Variants in PRUNE2 observed in about 807,000 individuals in gnomAD.
PRUNE2 encodes the protein protein prune homolog 2.
Under a neutral mutation model 252.0 loss-of-function variants are expected in PRUNE2, and 164 were observed. The observed-to-expected ratio is 0.65, with a 90% CI of 0.57 to 0.74. The LOEUF is 0.74. PRUNE2 is among the 30% of genes least tolerant of loss of function. The pLI is 0.00. For missense variants in PRUNE2, 3,495 were observed against 3,711.0 expected (o/e 0.94, Z 1.51); for synonymous variants, 1,292 against 1,350.2 (o/e 0.96, Z 0.94).
At chr9:76,895,996 T>C (rs190165850) in intron 1 of PRUNE2, among the ~76,000 whole-genome samples, 209 of 152,224 alleles carry the variant, frequency 1.4e-3, no homozygotes, top group Non-Finnish European at 2.2e-3. Context: ...AGGCTGGTCT[T>C]GAATTCCTGG....
Position 76,713,581 on chromosome 9 carries a change from G to A in PRUNE2, c.897C>T (p.Asn299=). 1.2e-6 allele frequency: 2 copies of A among 1,610,650 alleles called. No individual in the cohort carries two copies. Among genetic ancestry groups the A allele is most frequent in the South Asian group, 1.1e-5 (1 of 90,060 alleles). The change falls in exon 7 of 19, where the codon AAC becomes AAT. Residue 299 remains asparagine, a synonymous_variant. Transcript: ENST00000376718. ...PRRQIAVYSE[N]MELCSQICCE... ...GGCTCACCTGACTGCACAGCTCCAT[G>A]TTTTCTGAGTACACAGCAATCTGTC...
chr9:76,615,769 G>GTTTTTTTTTTTTTTTTTTTTTTTTTGTTT (rs58726178), intron 18 of PRUNE2, among the ~76,000 whole-genome samples: 1 of 93,966 alleles, frequency 1.1e-5, no homozygotes, highest in Non-Finnish European at 1.9e-5. Context: ...TGTGTGTGTG[G>GTTTTTTTTTTTTTTTTTTTTTTTTTGTTT]TTTTTTTTTT....
rs188280172 is a variant in PRUNE2 at position 76,824,217 on chromosome 9, G to A, written c.662-491C>T. On this transcript the variant is annotated intron_variant, in intron 5 of 18. Coordinates refer to ENST00000376718, the MANE Select transcript of PRUNE2 (RefSeq NM_015225.3). Reference sequence around the variant, plus strand: ...ACCCAACCAGAAGCCAGTGTTGTGGGAGCCCATAAGATTAAATACTTAGGG... The same window carrying A: ...ACCCAACCAGAAGCCAGTGTTGTGGAAGCCCATAAGATTAAATACTTAGGG... 3.4e-3 allele frequency among the ~76,000 whole-genome samples: 510 copies of A among 152,044 alleles called. 2 individuals carry two copies. Among genetic ancestry groups the A allele is most frequent in the African/African-American group, 0.012 (497 of 41,444 alleles).
chr9:76,767,689 C>T (rs1229872261), intron 6 of PRUNE2, among the ~76,000 whole-genome samples: 1 of 152,160 alleles, frequency 6.6e-6, no homozygotes, highest in Non-Finnish European at 1.5e-5. Context: ...TCTCTTGACC[C>T]TATTTTGTTT....
In PRUNE2 at chr9:76,833,597, C is replaced by G. The variant is rs1423847972; in HGVS notation, c.509-6865G>C. 5.3e-5 allele frequency among the ~76,000 whole-genome samples: 8 copies of G among 151,890 alleles called. No individual in the cohort carries two copies. In the East Asian group the frequency reaches 1.4e-3, roughly 26 times the overall value. On this transcript the variant is annotated intron_variant, in intron 4 of 18. Transcript: ENST00000376718. ...TGGCTAACACGGTGAAACCCCGTCT[C>G]TACTTAAAATACAAAAAGTTAGCCG...
In PRUNE2 at chr9:76,705,035, T is replaced by C. The variant is rs1393216573; in HGVS notation, c.7239A>G (p.Glu2413=). The C allele has an allele frequency of 2.5e-6, 4 of 1,614,034 alleles. No homozygotes were observed. The South Asian group carries it at 4.4e-5, about 18-fold the overall frequency. ...GAGATTCATCCTCTGGAGACCCAGC[T>C]TCCTCTATTGTTTCAGCACTCTGGG... ...EPAQSAETIE[E]AGSPEDESLG... is the part of the protein sequence containing the mutation. Residue 2413 remains glutamate (E), a synonymous_variant, in exon 8 of 19, where the codon GAA becomes GAG. Transcript: ENST00000376718.
intron 6 of PRUNE2, among the ~76,000 whole-genome samples, chr9:76,743,603 C>T (rs1483891619): frequency 1.3e-5 from 2 of 152,020 alleles, no homozygotes; most frequent in Non-Finnish European, 2.9e-5. Flanking sequence ...CCAATCATAG[C>T]AAAGAATATC....
chr9:76,875,792 C>T (rs1452248891), intron 1 of PRUNE2, among the ~76,000 whole-genome samples: 2 of 152,230 alleles, frequency 1.3e-5, no homozygotes, highest in Admixed American at 6.5e-5. Context: ...TCTCTCAACA[C>T]CCAAGTCATA....
intron 1 of PRUNE2, among the ~76,000 whole-genome samples, chr9:76,856,222 T>G (rs576608751): frequency 6.6e-6 from 1 of 152,308 alleles, no homozygotes; most frequent in Middle Eastern, 3.4e-3. Context: ...CCCCATCTCC[T>G]CTGCCCTGTA....
In PRUNE2 at chr9:76,710,291, T is replaced by C. The variant is rs1396932767; in HGVS notation, c.1983A>G (p.Glu661=). 3 of 1,613,982 alleles carry C rather than the reference T, an allele frequency of 1.9e-6. No individual in the cohort carries two copies. In the Admixed American group the frequency reaches 5.0e-5, roughly 27 times the overall value. ...ARCSSWWGGL[E]IDSKNIADAW... ...CATCTGCAATATTTTTGGAGTCAAT[T>C]TCCAAACCACCCCACCAGCTGCTGC... The change falls in exon 8 of 19, where the codon GAA becomes GAG. Residue 661 remains glutamate, a synonymous_variant. Transcript: ENST00000376718.
At chr9:76,887,735 C>T (rs572928325) in intron 1 of PRUNE2, among the ~76,000 whole-genome samples, 10 of 152,338 alleles carry the variant, frequency 6.6e-5, no homozygotes, top group African/African-American at 2.4e-4. Flanking sequence ...GCTGTTGCTC[C>T]TTTTGCCTAC....
chr9:76,696,672 C>T (rs958960941), intron 9 of PRUNE2, among the ~76,000 whole-genome samples: 4 of 152,214 alleles, frequency 2.6e-5, no homozygotes, highest in African/African-American at 7.2e-5. Context: ...GTGATCTGCC[C>T]GCCTTGGCCT....
intron 4 of PRUNE2, among the ~76,000 whole-genome samples, chr9:76,846,041 C>T (rs1047249152): frequency 6.6e-6 from 1 of 152,148 alleles, no homozygotes; most frequent in Non-Finnish European, 1.5e-5. Flanking sequence ...AAGGAGGTGA[C>T]ATCTGACTAT....
rs752954279 is a variant in PRUNE2 at position 76,637,567 on chromosome 9, G to C, written c.8832-18C>G. On this transcript the variant is annotated intron_variant, in intron 13 of 18. Transcript: ENST00000376718. The stretch of plus-strand genomic sequence containing the variant: ...TTACATATCTGATCACAGGAAGGAA[G>C]AGGAATGTTTTCAGTTCCCACATCC... 7.5e-6 allele frequency: 12 copies of C among 1,605,198 alleles called. No individual in the cohort carries two copies. Among genetic ancestry groups the C allele is most frequent in the Non-Finnish European group, 2.6e-6 (3 of 1,175,888 alleles).
intron 9 of PRUNE2, among the ~76,000 whole-genome samples, chr9:76,687,890 G>A (rs1324344184): frequency 6.6e-6 from 1 of 152,212 alleles, no homozygotes; most frequent in Non-Finnish European, 1.5e-5. Flanking sequence ...TCCAGATGCG[G>A]GGGTAGAGTA....
intron 1 of PRUNE2, among the ~76,000 whole-genome samples, chr9:76,899,150 T>C (rs1016819412): frequency 5.3e-5 from 8 of 152,202 alleles, no homozygotes; most frequent in South Asian, 2.1e-4. Context: ...GTGGTTGGCC[T>C]TGGGGGAGCC....
intron 1 of PRUNE2, among the ~76,000 whole-genome samples, chr9:76,903,093 A>G (rs918977324): frequency 1.5e-4 from 23 of 152,260 alleles, no homozygotes; most frequent in Admixed American, 7.9e-4. Context: ...CCTGGCCTAG[A>G]ATAGCAGAGT....
At chr9:76,882,759 C>G (rs12342374) in intron 1 of PRUNE2, among the ~76,000 whole-genome samples, 3,390 of 152,246 alleles carry the variant, frequency 0.022, 126 homozygotes, top group African/African-American at 0.078. Context: ...CACTTCCCAC[C>G]AGGCACCCCC....
intron 6 of PRUNE2, among the ~76,000 whole-genome samples, chr9:76,812,861 A>G (rs568343688): frequency 4.6e-5 from 7 of 152,318 alleles, no homozygotes; most frequent in South Asian, 2.1e-4. Flanking sequence ...TGACTGTTAA[A>G]TTTTCAGGCA....
Sources: allele counts gnomAD v4.1 joint callset (sites outside exome capture counted in the v4.1 genomes callset), GRCh38; gene constraint gnomAD v4.1.1; transcripts MANE v1.5; gene names NCBI Gene and HGNC (gene_info 2026-07-23, HGNC 2026-07-21).